Variants in TPTE observed in about 807,000 individuals in gnomAD.
TPTE encodes putative tyrosine-protein phosphatase TPTE.
In TPTE, 59 loss-of-function variants were observed where a neutral mutation model predicts 84.1. That is an observed-to-expected ratio of 0.70 (90% CI 0.57 to 0.87). The LOEUF is 0.87. Ranked by LOEUF, TPTE falls within the 40% of genes least tolerant of loss-of-function variation. The probability of loss-of-function intolerance (pLI) is 0.00; values close to 1 mark genes in which losing one functional copy is unlikely to be tolerated. For synonymous variants in TPTE, 130 were observed against 223.5 expected (o/e 0.58, Z 3.73); for missense variants, 382 against 659.6 (o/e 0.58, Z 4.61).
intron 1 of TPTE, among the ~76,000 whole-genome samples, chr21:10,523,712 G>C (rs1206747848): frequency 1.3e-5 from 2 of 152,304 alleles, no homozygotes; most frequent in African/African-American, 2.4e-5. Context: ...GGACATTTGG[G>C]TTGGTTCCAA....
chr21:10,528,198 A>AT (rs1317053640), intron 3 of TPTE, among the ~76,000 whole-genome samples: 1 of 30,758 alleles, frequency 3.3e-5, no homozygotes, highest in South Asian at 2.6e-3. Context: ...GCCAATTTGA[A>AT]CCAAAAAAAA....
intron 14 of TPTE, among the ~76,000 whole-genome samples, chr21:10,574,367 C>A (rs1177784716): frequency 6.6e-6 from 1 of 152,310 alleles, no homozygotes; most frequent in Admixed American, 6.5e-5. Context: ...CAGAAAATGT[C>A]CTGGATACCT....
At position 10,605,458 on chromosome 21, in the gene TPTE, A is replaced by G. The variant is rs745874858; in HGVS notation, c.1562A>G (p.Gln521Arg). The change falls in exon 24 of 24, where the codon CAA (glutamine) becomes CGA (arginine). Residue 521 changes from glutamine (Q) to arginine (R), a missense_variant. By Grantham distance (43) the Gln-to-Arg change is conservative. Transcript: ENST00000618007. ...PKNELDNLHK[Q>R]KARRIYPSDF... ...AATGAATTGGATAATCTACATAAAC[A>G]AAAAGCACGGAGAATTTATCCATCA... 3 of 1,614,130 alleles carry G rather than the reference A, an allele frequency of 1.9e-6. No individual in the cohort carries two copies. Among genetic ancestry groups the G allele is most frequent in the East Asian group, 2.2e-5 (1 of 44,852 alleles).
chr21:10,587,866 TTGAGATG>T (rs1288257212), intron 17 of TPTE, among the ~76,000 whole-genome samples: 1 of 152,292 alleles, frequency 6.6e-6, no homozygotes, highest in Non-Finnish European at 1.5e-5. Context: ...TTGTTTGTTT[TTGAGATG>T]GAGTCTTGCT....
chr21:10,583,672 T>C (rs1009699434), intron 17 of TPTE, among the ~76,000 whole-genome samples: 1 of 152,312 alleles, frequency 6.6e-6, no homozygotes, highest in Non-Finnish European at 1.5e-5. Context: ...AAGGACATTT[T>C]ACTACTGTAT....
In TPTE at chr21:10,533,804, A is replaced by G. The variant is rs556878172; in HGVS notation, c.-43-4877A>G. 2.6e-5 allele frequency among the ~76,000 whole-genome samples: 4 copies of G among 152,428 alleles called. No individual in the cohort carries two copies. The South Asian group carries it at 8.3e-4, about 32-fold the overall frequency. ...CTGGGTTGTGAAAAGGAAAAGCTTT[A>G]GACAAGGTAAATTTAAGAGTTTAAT... is the stretch of plus-strand genomic sequence containing the variant. On this transcript the variant is annotated intron_variant, in intron 3 of 23. Transcript: ENST00000618007.
intron 23 of TPTE, 98 bp from the exon 24 acceptor site, chr21:10,605,318 GT>G: frequency 1.4e-6 from 2 of 1,461,736 alleles, no homozygotes; most frequent in Non-Finnish European, 9.2e-7. Context: ...TCATGGTGAG[GT>G]TCTTTTTTTG....
intron 8 of TPTE, among the ~76,000 whole-genome samples, chr21:10,553,379 T>C (rs2074618177): frequency 6.6e-6 from 1 of 152,420 alleles, no homozygotes; most frequent in Non-Finnish European, 1.5e-5. Flanking sequence ...AGTACTGCCA[T>C]AGAGGAAGTT....
intron 14 of TPTE, 90 bp from the exon 15 acceptor site, chr21:10,577,370 A>G (rs1283842541): frequency 1.1e-5 from 18 of 1,609,880 alleles, no homozygotes; most frequent in Non-Finnish European, 1.4e-5. Flanking sequence ...AGACAAATTA[A>G]TAAAAGTAAT....
intron 5 of TPTE, 131 bp from the exon 6 acceptor site, chr21:10,542,264 C>T: frequency 4.4e-6 from 5 of 1,128,290 alleles, no homozygotes; most frequent in Non-Finnish European, 6.5e-6. Flanking sequence ...ATTCCAGGTT[C>T]CAGTAGTACT....
Position 10,602,058 on chromosome 21 carries a change from G to T in TPTE, c.1357G>T (p.Val453Leu), listed in dbSNP as rs750148266. Residue 453 changes from valine to leucine, a missense_variant and splice_region_variant, in exon 22 of 24, where the codon GTA (valine) becomes TTA (leucine). Transcript: ENST00000618007. ...CTCAATTCCATGTGTTCATTCATAGGTACTTGATAACATTACAACAGACAA... is the reference window on the plus strand; with the variant it reads ...CTCAATTCCATGTGTTCATTCATAGTTACTTGATAACATTACAACAGACAA... ...FSTISLGKCS[V>L]LDNITTDKIL... The T allele has an allele frequency of 1.2e-6, 2 of 1,611,940 alleles. No individual in the cohort carries two copies. The highest frequency in any genetic ancestry group is 2.2e-5 in the East Asian group (1 of 44,858).
At chr21:10,579,208 C>T in intron 17 of TPTE, among the ~76,000 whole-genome samples, 1 of 152,310 alleles carries the variant, frequency 6.6e-6, no homozygotes, top group Non-Finnish European at 1.5e-5. Context: ...TCCTGTCTAA[C>T]TGAAATTTTG....
In TPTE at chr21:10,589,329, C is replaced by T. The variant is rs2075422310; in HGVS notation, c.1028-1133C>T. 2.6e-5 allele frequency among the ~76,000 whole-genome samples: 4 copies of T among 152,404 alleles called. No individual in the cohort carries two copies. In the South Asian group the frequency reaches 8.3e-4, roughly 32 times the overall value. ...TTGGGTGTGTGGTTTGACCTATGAG[C>T]CAGTAGATGGCGCCATGGGTAAGAG... On this transcript the variant is annotated intron_variant, in intron 17 of 23. Coordinates refer to ENST00000618007, the MANE Select transcript of TPTE (RefSeq NM_199261.4).
At chr21:10,552,903 A>G (rs2074606014) in intron 8 of TPTE, among the ~76,000 whole-genome samples, 187 bp downstream of exon 8, 1 of 152,286 alleles carries the variant, frequency 6.6e-6, no homozygotes, top group South Asian at 2.1e-4. Context: ...TGAAAAAAAA[A>G]TTCCATCCAT....
chr21:10,542,297 TA>T, intron 5 of TPTE, 97 bp from the exon 6 acceptor site: 1 of 1,415,200 alleles, frequency 7.1e-7, no homozygotes, highest in East Asian at 2.4e-5. Context: ...AGTCAGAAAT[TA>T]ATTGGTTTCT....
At chr21:10,557,501 T>C (rs1362305256) in intron 8 of TPTE, among the ~76,000 whole-genome samples, 2 of 152,306 alleles carry the variant, frequency 1.3e-5, no homozygotes, top group African/African-American at 4.8e-5. Flanking sequence ...ATTTATGACA[T>C]TTCCTTGATA....
chr21:10,533,286 T>C (rs569285929), intron 3 of TPTE, among the ~76,000 whole-genome samples: 1 of 152,430 alleles, frequency 6.6e-6, no homozygotes, highest in African/African-American at 2.4e-5. Flanking sequence ...GTTAAGGCTT[T>C]CTCTTTTATT....
At position 10,592,248 on chromosome 21, in the gene TPTE, A is replaced by G. The variant is rs373297684; in HGVS notation, c.1090-45A>G. ...CTAAGGGTACCTAATATAGGAAAGG[A>G]AAGAGTGCAGATGAACCATGGTTGG... On this transcript the variant is annotated intron_variant, in intron 18 of 23. Coordinates refer to ENST00000618007, the MANE Select transcript of TPTE (RefSeq NM_199261.4). The G allele has an allele frequency of 9.3e-5, 150 of 1,610,022 alleles. No homozygotes were observed. In the East Asian group the frequency reaches 2.2e-3, roughly 24 times the overall value.
intron 6 of TPTE, 35 bp downstream of exon 6, chr21:10,542,483 T>TA: frequency 6.2e-7 from 1 of 1,606,546 alleles, no homozygotes; most frequent in Middle Eastern, 1.7e-4. Flanking sequence ...CCCGTCAGCA[T>TA]AAGTGTGCAT....
Sources: gnomAD v4.1 joint callset for allele counts (sites outside exome capture counted in the v4.1 genomes callset) on GRCh38, gnomAD v4.1.1 for gene constraint, MANE v1.5 for transcripts, NCBI Gene and HGNC (gene_info 2026-07-23, HGNC 2026-07-21) for gene names.